Variants in PAPLN observed in about 807,000 individuals in gnomAD.
PAPLN encodes the protein papilin.
In PAPLN, 146 loss-of-function variants were observed where a neutral mutation model predicts 159.0. The ratio of observed to expected loss-of-function variants is 0.92; its 90% CI spans 0.80 to 1.05. The LOEUF (loss-of-function observed/expected upper bound fraction) is 1.05, where lower values mean the gene tolerates loss of function less well. Among genes scored for constraint, PAPLN ranks in the 50% least tolerant of loss-of-function variants. The pLI is 0.00. For missense variants in PAPLN, 1,720 were observed against 1,743.9 expected, an observed-to-expected ratio of 0.99 and a Z score of 0.24; for synonymous variants, 734 against 702.9, an observed-to-expected ratio of 1.04 and a Z score of -0.70.
At chr14:73,264,145 G>A (rs551639361) in intron 20 of PAPLN, 66 bp from the exon 21 acceptor site, 104 of 1,606,096 alleles carry the variant, frequency 6.5e-5, no homozygotes, top group South Asian at 2.9e-4. Context: ...GCACCGAGGC[G>A]GAGGGAAGAC....
chr14:73,244,582 G>A (rs12887476), intron 2 of PAPLN, 62 bp from the exon 3 acceptor site: 1 of 1,390,616 alleles, frequency 7.2e-7, no homozygotes, highest in Non-Finnish European at 1.0e-6. Flanking sequence ...AGCATCTTTG[G>A]AGGGGCCTCT....
intron 15 of PAPLN, 102 bp downstream of exon 15, chr14:73,259,161 G>A: frequency 6.6e-7 from 1 of 1,526,038 alleles, no homozygotes; most frequent in Middle Eastern, 1.8e-4. Context: ...CAGCCATGGT[G>A]GAAGGGAGAA....
intron 19 of PAPLN, 190 bp from the exon 20 acceptor site, chr14:73,263,455 G>A: frequency 1.5e-6 from 1 of 673,866 alleles, no homozygotes; most frequent in South Asian, 1.8e-5. Context: ...GGGAGCCGGG[G>A]GCAGGTTGGG....
chr14:73,263,537 C>G (rs1440103552), intron 19 of PAPLN, 108 bp from the exon 20 acceptor site: 3 of 1,452,264 alleles, frequency 2.1e-6, no homozygotes, highest in African/African-American at 2.8e-5. Flanking sequence ...CCCAAAAGTG[C>G]CTGTGACAGG....
Position 73,244,670 on chromosome 14 carries a change from C to T in PAPLN, c.81C>T (p.Asp27=), listed in dbSNP as rs1421829102. 3 of 1,593,142 alleles carry T rather than the reference C, an allele frequency of 1.9e-6. No individual in the cohort carries two copies. Among genetic ancestry groups the T allele is most frequent in the Admixed American group, 3.5e-5 (2 of 57,168 alleles). Residue 27 remains aspartate (D), a synonymous_variant, in exon 3 of 27, where the codon GAC becomes GAT. Coordinates refer to ENST00000644200, the MANE Select transcript of PAPLN (RefSeq NM_001365906.3). ...CTCCCAAGGTGAGGCGGCAGAGTGA[C>T]ACCTGGGGACCCTGGAGCCAGTGGA... ...SSAPKVRRQS[D]TWGPWSQWSP...
rs749466424 is a variant in PAPLN, at chr14:73,272,349, T to G, written c.3668-146T>G. 8.4e-6 allele frequency: 6 copies of G among 715,766 alleles called. No individual in the cohort carries two copies. The South Asian group carries it at 1.4e-4, about 17-fold the overall frequency. The allele number at this position is 715,766 out of a possible 1,614,324, so 44.3% of individuals were successfully genotyped here. Reference sequence around the variant, plus strand: ...TCCCTCATAGAGTTTGTACGTATGGTTAAAAGGTTACAGGGTAAGTGCACT... The same window carrying G: ...TCCCTCATAGAGTTTGTACGTATGGGTAAAAGGTTACAGGGTAAGTGCACT... On this transcript the variant is annotated intron_variant, in intron 26 of 26. Transcript: ENST00000644200.
At chr14:73,243,882 T>C in intron 2 of PAPLN, 1 of 152,258 alleles carries the variant, frequency 6.6e-6, no homozygotes, top group East Asian at 1.9e-4. Context: ...CTATCTTTGC[T>C]TCACTGTTTG....
chr14:73,240,567 C>A (rs1883434209), intron 2 of PAPLN, among the ~76,000 whole-genome samples: 1 of 152,148 alleles, frequency 6.6e-6, no homozygotes. Flanking sequence ...CTCAGCCTCC[C>A]AGGTAGCTGG....
At position 73,246,126 on chromosome 14, in the gene PAPLN, C is replaced by T. The variant is rs779017175; in HGVS notation, c.285C>T (p.Asp95=). 3 of 1,591,252 alleles carry T rather than the reference C, an allele frequency of 1.9e-6. No homozygotes were observed. The highest frequency in any genetic ancestry group is 2.4e-5 in the East Asian group (1 of 42,296). Residue 95 remains aspartate, a synonymous_variant, in exon 5 of 27, where the codon GAC becomes GAT. Transcript: ENST00000644200. Reference sequence around the variant, plus strand: ...GGGCCGAGCAGTGCGCGGAGTTCGACGGAGCGGAGTTCCAGGGGCGGCGGT... The same window carrying T: ...GGGCCGAGCAGTGCGCGGAGTTCGATGGAGCGGAGTTCCAGGGGCGGCGGT... The part of the protein sequence containing the change: ...DFRAEQCAEF[D]GAEFQGRRYR...
rs769254898 is a variant in PAPLN, at chr14:73,254,630, C to T, written c.1420C>T (p.Pro474Ser). 6 of 1,614,068 alleles carry T rather than the reference C, an allele frequency of 3.7e-6. No homozygotes were observed. Among genetic ancestry groups the T allele is most frequent in the African/African-American group, 2.7e-5 (2 of 75,028 alleles). ...GGAAGACCGGCCACCTCTGACTGAG[C>T]CCTGTGTGCATGAGGACTGCCCCCT... ...SLEDRPPLTE[P>S]CVHEDCPLLS... Residue 474 changes from proline to serine, a missense_variant, in exon 13 of 27, where the codon CCC becomes TCC. Pro to Ser is a moderately conservative substitution (Grantham distance 74). Coordinates refer to ENST00000644200, the MANE Select transcript of PAPLN (RefSeq NM_001365906.3).
In PAPLN at chr14:73,261,024, TCTC is replaced by T; in HGVS notation, c.2107-129_2107-127del. On this transcript the variant is annotated intron_variant, in intron 17 of 26. Transcript: ENST00000644200. ...GTGGATCAGGGGTTTCATCCAACAT[TCTC>T]CTGGCCTCTGGTCTCCCCTGGGCTG... is the stretch of plus-strand genomic sequence containing the variant. 7 of 1,483,728 alleles carry T rather than the reference TCTC, an allele frequency of 4.7e-6. No individual in the cohort carries two copies. In the Admixed American group the frequency reaches 1.4e-4, roughly 29 times the overall value. 91.9% of individuals were successfully genotyped at this position (1,483,728 alleles called of 1,614,324 possible).
At chr14:73,239,219 G>C (rs1177314299) in intron 1 of PAPLN, among the ~76,000 whole-genome samples, 1 of 152,206 alleles carries the variant, frequency 6.6e-6, no homozygotes, top group African/African-American at 2.4e-5. Flanking sequence ...GGCGCACACT[G>C]CACTGCATAC....
chr14:73,260,529 G>A (rs1350997804), intron 16 of PAPLN, among the ~76,000 whole-genome samples, 180 bp from the exon 17 acceptor site: 1 of 144,922 alleles, frequency 6.9e-6, no homozygotes, highest in Non-Finnish European at 1.5e-5. Context: ...AAGAGTCGGT[G>A]GATTTAGGCA....
Position 73,265,618 on chromosome 14 carries a change from C to A in PAPLN, c.3263+111C>A. 6.8e-7 allele frequency: 1 copy of A among 1,473,170 alleles called. No homozygotes were observed. Among genetic ancestry groups the A allele is most frequent in the Non-Finnish European group, 9.1e-7 (1 of 1,097,656 alleles). The allele number at this position is 1,473,170 out of a possible 1,614,324, so 91.3% of individuals were successfully genotyped here. On this transcript the variant is annotated intron_variant, in intron 23 of 26. Coordinates refer to ENST00000644200, the MANE Select transcript of PAPLN (RefSeq NM_001365906.3). This position sits in a 1 kb window ranked among gnomAD's most constrained non-coding sequence, Gnocchi z 4.1. ...GCGCATGGTCATGGCCAGTCCTGAG[C>A]CGGACTCCAGGGCCTCTTGAGAGAT...
At position 73,257,753 on chromosome 14, in the gene PAPLN, C is replaced by CTT. The variant is rs562890068; in HGVS notation, c.1628-1199_1628-1198dup. On this transcript the variant is annotated intron_variant, in intron 14 of 26. Coordinates refer to ENST00000644200, the MANE Select transcript of PAPLN (RefSeq NM_001365906.3). ...GTTTTCATTATCTAGTCTCTTTCTT[C>CTT]TTTTTTTTTTTTTTTTTTTTTTTTT... Among the ~76,000 whole-genome samples the CTT allele has an allele frequency of 1.2e-3, 112 of 91,250 alleles. 3 individuals carry two copies. Among genetic ancestry groups the CTT allele is most frequent in the African/African-American group, 2.5e-3 (61 of 24,666 alleles). The allele number at this position is 91,250 out of a possible 152,430, so 59.9% of individuals were successfully genotyped here.
intron 26 of PAPLN, 25 bp from the exon 27 acceptor site, chr14:73,272,470 T>A: frequency 6.7e-7 from 1 of 1,489,828 alleles, no homozygotes; most frequent in Non-Finnish European, 9.0e-7. Flanking sequence ...CCTCACCACC[T>A]TCTCTCTCCC....
At chr14:73,263,893 C>CG (rs2062157420) in intron 20 of PAPLN, 111 bp downstream of exon 20, 7 of 1,260,788 alleles carry the variant, frequency 5.6e-6, no homozygotes, top group Middle Eastern at 1.9e-4. Flanking sequence ...GACAGACCCC[C>CG]TCCTCCTTTG....
At chr14:73,258,640 T>TAAAAAAAAAAAAAAAAAA (rs1886200613) in intron 14 of PAPLN, among the ~76,000 whole-genome samples, 1 of 58,302 alleles carries the variant, frequency 1.7e-5, no homozygotes, top group African/African-American at 7.3e-5. Flanking sequence ...AAAAAAAAAG[T>TAAAAAAAAAAAAAAAAAA]AGTCCCAGCT....
At chr14:73,246,419 TTTTTTTTGGGTGGGCGC>T (rs1884341126) in intron 5 of PAPLN, among the ~76,000 whole-genome samples, 1 of 104,388 alleles carries the variant, frequency 9.6e-6, no homozygotes, top group Non-Finnish European at 1.8e-5. Flanking sequence ...TTTTTTTTTT[TTTTTTTTGGGTGGGCGC>T]GGGGGCTCGC....
Sources: gnomAD v4.1 joint callset for allele counts (sites outside exome capture counted in the v4.1 genomes callset) on GRCh38, gnomAD v4.1.1 for gene constraint, Gnocchi (gnomAD v3.1) non-coding constraint, MANE v1.5 for transcripts, NCBI Gene and HGNC (gene_info 2026-07-23, HGNC 2026-07-21) for gene names.